DYNC2I2: variants seen among roughly 807,000 people sequenced by gnomAD.
DYNC2I2 encodes dynein 2 intermediate chain 2, also known as cytoplasmic dynein 2 intermediate chain 2.
DYNC2I2 carries 39 observed loss-of-function variants against 52.0 expected under a neutral mutation model. That is an observed-to-expected ratio of 0.75 (90% CI 0.58 to 0.98). The LOEUF (loss-of-function observed/expected upper bound fraction) is 0.98. DYNC2I2 is among the 50% of genes least tolerant of loss of function. The probability of loss-of-function intolerance (pLI) is 0.00; values close to 1 mark genes in which losing one functional copy is unlikely to be tolerated. For synonymous variants in DYNC2I2, 359 were observed against 321.1 expected, an observed-to-expected ratio of 1.12 and a Z score of -1.26; for missense variants, 743 against 728.4, an observed-to-expected ratio of 1.02 and a Z score of -0.23.
At chr9:128,680,725 A>G in the DYNC2I2 span, among the ~76,000 whole-genome samples, 1 of 150,558 alleles carries the variant, frequency 6.6e-6, no homozygotes, top group Admixed American at 6.7e-5. Context: ...CCCAGTCTGG[A>G]GTGCGGTGGC....
At chr9:128,674,253 G>A in the DYNC2I2 span, among the ~76,000 whole-genome samples, 2 of 151,168 alleles carry the variant, frequency 1.3e-5, no homozygotes, top group African/African-American at 2.4e-5. Context: ...TACTGTCTCA[G>A]CCTCCCGAGT....
chr9:128,682,064 C>CTTT, the DYNC2I2 span, among the ~76,000 whole-genome samples: 3 of 141,952 alleles, frequency 2.1e-5, no homozygotes, highest in African/African-American at 5.1e-5. Flanking sequence ...CAGAGTGAGA[C>CTTT]TTTTTTTTTT....
In DYNC2I2 at chr9:128,650,911, G is replaced by A. The variant is rs540673581; in HGVS notation, c.186+5630C>T. 2 of 58,558 alleles carry A rather than the reference G, an allele frequency of 3.4e-5. 1 individual carries two copies. Among genetic ancestry groups the A allele is most frequent in the East Asian group, 5.6e-4 (2 of 3,562 alleles). The allele number at this position is 58,558 out of a possible 1,614,324, so 3.6% of individuals were successfully genotyped here. ...GCAGTGGCGCAGTAGTCACCATGAC[G>A]GCTAAGGGGCTGGGTGCGGTTCTGC... On this transcript the variant is annotated intron_variant, in intron 1 of 8. Coordinates refer to ENST00000372715, the MANE Select transcript of DYNC2I2 (RefSeq NM_052844.4).
the DYNC2I2 span, among the ~76,000 whole-genome samples, chr9:128,674,704 C>T: frequency 4.1e-3 from 630 of 152,264 alleles, 8 homozygotes; most frequent in African/African-American, 0.014. Context: ...GATTGCACCA[C>T]TGCACTCCAG....
the DYNC2I2 span, among the ~76,000 whole-genome samples, chr9:128,668,426 G>A: frequency 2.6e-5 from 4 of 151,968 alleles, no homozygotes; most frequent in Non-Finnish European, 4.4e-5. Flanking sequence ...CTGACCTTGT[G>A]ATCCGCCCGC....
the DYNC2I2 span, among the ~76,000 whole-genome samples, chr9:128,666,373 C>A: frequency 6.8e-6 from 1 of 146,444 alleles, no homozygotes; most frequent in East Asian, 2.0e-4. Context: ...CAGAGTGAGA[C>A]CCTGTCTCAG....
chr9:128,649,687 T>C (rs1860687836), intron 1 of DYNC2I2, among the ~76,000 whole-genome samples: 1 of 7,380 alleles, frequency 1.4e-4, no homozygotes, highest in Non-Finnish European at 2.0e-4. Context: ...AGACTCCATC[T>C]CAAAAAAAAA....
At chr9:128,675,404 T>C in the DYNC2I2 span, among the ~76,000 whole-genome samples, 16 of 152,110 alleles carry the variant, frequency 1.1e-4, no homozygotes, top group African/African-American at 3.6e-4. Context: ...CTAGTCTAAC[T>C]CCTGACCTCA....
chr9:128,654,933 T>A (rs1320700167), intron 1 of DYNC2I2, among the ~76,000 whole-genome samples: 1 of 152,088 alleles, frequency 6.6e-6, no homozygotes, highest in African/African-American at 2.4e-5. Flanking sequence ...CATAATTTAC[T>A]TATTAAATAT....
At chr9:128,683,279 C>CT in the DYNC2I2 span, 9,013 of 154,552 alleles carry the variant, frequency 0.058, 203 homozygotes, top group East Asian at 0.11. Flanking sequence ...TTTCTTTCTT[C>CT]TTTTTTTTTT....
upstream of DYNC2I2, among the ~76,000 whole-genome samples, chr9:128,661,740 T>C (rs570595391): frequency 6.8e-6 from 1 of 147,866 alleles, no homozygotes; most frequent in Non-Finnish European, 1.5e-5. Context: ...CCTCAGGGGA[T>C]GAATGTCTGA....
chr9:128,635,022 C>A, intron 6 of DYNC2I2, 70 bp downstream of exon 6: 1 of 1,583,128 alleles, frequency 6.3e-7, no homozygotes. Context: ...CAAGTCAGGC[C>A]CACTGCCACA....
intron 1 of DYNC2I2, among the ~76,000 whole-genome samples, chr9:128,652,821 G>C (rs898772660): frequency 2.0e-5 from 3 of 150,036 alleles, no homozygotes; most frequent in African/African-American, 7.5e-5. Context: ...CAGGAGCTGA[G>C]GCAGGAGAAT....
chr9:128,634,865 G>T lies in DYNC2I2; in HGVS notation c.1038C>A (p.Asp346Glu), dbSNP rs1203198115. 2 of 1,613,508 alleles carry T rather than the reference G, an allele frequency of 1.2e-6. No individual in the cohort carries two copies. The highest frequency in any genetic ancestry group is 1.7e-6 in the Non-Finnish European group (2 of 1,179,976). Residue 346 changes from aspartate (D) to glutamate (E), a missense_variant, in exon 7 of 9, where the codon GAC becomes GAA. Transcript: ENST00000372715. The part of the protein sequence containing the change: ...GATAVAFSSF[D>E]PRLFILGTEG... ...CCGTGCCCAGAATGAACAGCCTAGG[G>T]TCAAAGCTGGAGAAGGCCACTGCCG...
upstream of DYNC2I2, among the ~76,000 whole-genome samples, chr9:128,657,609 C>T (rs971049343): frequency 6.6e-6 from 1 of 151,962 alleles, no homozygotes; most frequent in Non-Finnish European, 1.5e-5. Flanking sequence ...TCGAAACCAG[C>T]CTGAGCAACA....
rs767034370 is a variant in DYNC2I2 at position 128,636,387 on chromosome 9, G to T, written c.597C>A (p.Asn199Lys). The T allele has an allele frequency of 1.2e-6, 2 of 1,610,842 alleles. No individual in the cohort carries two copies. Among genetic ancestry groups the T allele is most frequent in the Non-Finnish European group, 1.7e-6 (2 of 1,178,998 alleles). ...GGGGACGCAGGTCTCGCCGGTCCAG[G>T]TTCCAGGCACACACGAAGGACTTAA... ...STLKSFVCAW[N>K]LDRRDLRPQQ... Residue 199 changes from asparagine (N) to lysine (K), a missense_variant, in exon 4 of 9, where the codon AAC becomes AAA. Coordinates refer to ENST00000372715, the MANE Select transcript of DYNC2I2 (RefSeq NM_052844.4).
At chr9:128,639,198 G>A (rs1428691166) in intron 2 of DYNC2I2, among the ~76,000 whole-genome samples, 6 of 151,994 alleles carry the variant, frequency 3.9e-5, no homozygotes, top group African/African-American at 1.5e-4. Context: ...TCAGGAATTC[G>A]AGACCAACCT....
the DYNC2I2 span, among the ~76,000 whole-genome samples, chr9:128,676,994 G>A: frequency 9.2e-5 from 14 of 151,926 alleles, no homozygotes; most frequent in South Asian, 2.7e-3. Flanking sequence ...GACTACAGGC[G>A]CCTGCCACCA....
At chr9:128,658,268 C>T (rs769239502), upstream of DYNC2I2, among the ~76,000 whole-genome samples, 4 of 150,414 alleles carry the variant, frequency 2.7e-5, no homozygotes, top group Admixed American at 1.3e-4. Flanking sequence ...CCAGTTCAAG[C>T]GATTCTCATG....
Sources: allele counts gnomAD v4.1 joint callset (sites outside exome capture counted in the v4.1 genomes callset), GRCh38; gene constraint gnomAD v4.1.1; transcripts MANE v1.5; gene names NCBI Gene and HGNC (gene_info 2026-07-23, HGNC 2026-07-21).